Variants in CNTN5 observed in about 807,000 individuals in gnomAD.
The protein encoded by CNTN5 is contactin 5.
In CNTN5, 77 loss-of-function variants were observed where a neutral mutation model predicts 129.1. The observed-to-expected ratio is 0.60, with a 90% CI of 0.50 to 0.72. The LOEUF (loss-of-function observed/expected upper bound fraction) is 0.72, where lower values mean the gene tolerates loss of function less well. CNTN5 is among the 30% of genes least tolerant of loss of function. The pLI, the probability that CNTN5 is intolerant of heterozygous loss-of-function variation, is 0.00. For synonymous variants in CNTN5, 509 were observed against 465.6 expected (o/e 1.09, Z -1.20); for missense variants, 1,478 against 1,328.8 (o/e 1.11, Z -1.75).
intron 8 of CNTN5, among the ~76,000 whole-genome samples, chr11:99,994,257 G>A (rs35168093): frequency 0.38 from 57,181 of 151,624 alleles, 12,232 homozygotes; most frequent in African/African-American, 0.59. Flanking sequence ...AGTCAATAGT[G>A]TCATTAACTC....
chr11:99,522,984 A>G (rs1326772139), intron 2 of CNTN5, among the ~76,000 whole-genome samples: 2 of 152,326 alleles, frequency 1.3e-5, no homozygotes, highest in South Asian at 4.1e-4. Flanking sequence ...AAAAAGTCCA[A>G]GATACTTACT....
At chr11:99,432,691 A>T (rs1194461466) in intron 2 of CNTN5, among the ~76,000 whole-genome samples, 1 of 151,986 alleles carries the variant, frequency 6.6e-6, no homozygotes, top group Non-Finnish European at 1.5e-5. Context: ...TGCTGGAATG[A>T]AGATATTAGA....
intron 4 of CNTN5, among the ~76,000 whole-genome samples, chr11:99,823,389 A>T (rs773273508): frequency 1.2e-4 from 18 of 152,056 alleles, no homozygotes; most frequent in Non-Finnish European, 1.6e-4. Flanking sequence ...CAGTTCCTAC[A>T]TTCAGCCCAG....
At chr11:99,720,010 A>G (rs1283058008) in intron 3 of CNTN5, among the ~76,000 whole-genome samples, 1 of 152,088 alleles carries the variant, frequency 6.6e-6, no homozygotes, top group Non-Finnish European at 1.5e-5. Flanking sequence ...AGACCCAATA[A>G]CAAGTTGCAA....
At position 99,467,516 on chromosome 11, in the gene CNTN5, T is replaced by C. The variant is rs1039812245; in HGVS notation, c.-70-88629T>C. Reference sequence around the variant, plus strand: ...GAATGTCTGATCCTTGTATAAATCGTCTTCTCATCTGCTCGGTTAACTCAT... The same window carrying C: ...GAATGTCTGATCCTTGTATAAATCGCCTTCTCATCTGCTCGGTTAACTCAT... On this transcript the variant is annotated intron_variant, in intron 2 of 24. Transcript: ENST00000524871. Among the ~76,000 whole-genome samples, 17 of 152,256 alleles carry C rather than the reference T, an allele frequency of 1.1e-4. No homozygotes were observed. The East Asian group carries it at 3.3e-3, about 29-fold the overall frequency.
At chr11:99,973,456 T>C (rs1457167844) in intron 8 of CNTN5, among the ~76,000 whole-genome samples, 1 of 152,210 alleles carries the variant, frequency 6.6e-6, no homozygotes, top group Non-Finnish European at 1.5e-5. Flanking sequence ...CTTTTGTTAA[T>C]AAGAGAGCCT....
At chr11:99,446,095 A>AAC (rs1231989671) in intron 2 of CNTN5, among the ~76,000 whole-genome samples, 1 of 149,448 alleles carries the variant, frequency 6.7e-6, no homozygotes, top group African/African-American at 2.4e-5. Context: ...TAAAAAAAAA[A>AAC]AAAAAACAAC....
chr11:99,910,343 T>C (rs1170950891), intron 6 of CNTN5, among the ~76,000 whole-genome samples: 2 of 152,108 alleles, frequency 1.3e-5, no homozygotes, highest in African/African-American at 4.8e-5. Context: ...TAAGAACTAT[T>C]ATTAAGAATC....
chr11:99,845,624 G>A (rs536748369), intron 6 of CNTN5, among the ~76,000 whole-genome samples: 4 of 151,756 alleles, frequency 2.6e-5, no homozygotes, highest in Non-Finnish European at 4.4e-5. Flanking sequence ...CGCCCGCCTC[G>A]GCCTCCCAAA....
At chr11:99,299,392 G>A (rs1864525768) in intron 1 of CNTN5, among the ~76,000 whole-genome samples, 1 of 152,150 alleles carries the variant, frequency 6.6e-6, no homozygotes, top group African/African-American at 2.4e-5. Context: ...AAGTTGGCAA[G>A]TATATTAACA....
At position 100,071,819 on chromosome 11, in the gene CNTN5, G is replaced by A. The variant is rs766853142; in HGVS notation, c.1414G>A (p.Glu472Lys). The A allele has an allele frequency of 1.3e-5, 21 of 1,596,194 alleles. No homozygotes were observed. The South Asian group carries it at 2.3e-4, about 17-fold the overall frequency. Residue 472 changes from glutamate to lysine, a missense_variant, in exon 12 of 25, where the codon GAG (glutamate) becomes AAG (lysine). Physicochemically the swap from Glu to Lys is moderately conservative, Grantham distance 56. Coordinates refer to ENST00000524871, the MANE Select transcript of CNTN5 (RefSeq NM_014361.4). ...NKYGAIYASA[E>K]LKILASAPTF... is the part of the protein sequence containing the mutation. ...GTATGGAGCCATTTACGCTAGTGCT[G>A]AGCTGAAGATTCTAGGTATGCAGTT...
At chr11:100,027,309 A>C (rs919564192) in intron 9 of CNTN5, among the ~76,000 whole-genome samples, 1 of 152,198 alleles carries the variant, frequency 6.6e-6, no homozygotes, top group African/African-American at 2.4e-5. Context: ...AGATATGGTT[A>C]AATTACTCAG....
rs570395616 is a variant in CNTN5 at position 99,815,313 on chromosome 11, A to T, written c.56-4231A>T. On this transcript the variant is annotated intron_variant, in intron 3 of 24. Transcript: ENST00000524871. The stretch of plus-strand genomic sequence containing the variant: ...TCCTATCAATGAAACAACATTTCCC[A>T]CTTATTTATGCTAATATATTTTCAG... 5.5e-4 allele frequency among the ~76,000 whole-genome samples: 83 copies of T among 151,114 alleles called. 1 individual carries two copies. The highest frequency in any genetic ancestry group is 8.3e-4 in the Non-Finnish European group (56 of 67,522).
intron 3 of CNTN5, among the ~76,000 whole-genome samples, chr11:99,771,135 T>C (rs1361883984): frequency 6.6e-6 from 1 of 152,062 alleles, no homozygotes; most frequent in Non-Finnish European, 1.5e-5. Flanking sequence ...AATATAACCA[T>C]TTTCTTGTTA....
intron 9 of CNTN5, among the ~76,000 whole-genome samples, chr11:100,044,349 A>G (rs887934318): frequency 1.2e-4 from 19 of 152,132 alleles, no homozygotes; most frequent in Admixed American, 3.3e-4. Context: ...ATACCCAGCA[A>G]TGAAATTGCT....
intron 13 of CNTN5, among the ~76,000 whole-genome samples, chr11:100,148,946 T>TAAAG (rs1946951693): frequency 6.6e-6 from 1 of 152,192 alleles, no homozygotes; most frequent in Admixed American, 6.5e-5. Flanking sequence ...TTATAATTCT[T>TAAAG]AAAGAACTTG....
chr11:99,880,062 C>A (rs527847765), intron 6 of CNTN5, among the ~76,000 whole-genome samples: 142 of 152,300 alleles, frequency 9.3e-4, no homozygotes, highest in African/African-American at 3.3e-3. Context: ...GTTCACTATT[C>A]TTGAACTAAT....
At chr11:99,422,542 A>ATATC (rs1942946906) in intron 2 of CNTN5, among the ~76,000 whole-genome samples, 1 of 143,440 alleles carries the variant, frequency 7.0e-6, no homozygotes, top group Admixed American at 6.9e-5. Flanking sequence ...ATATATATAT[A>ATATC]TATATATATA....
chr11:100,066,833 CAAAA>C (rs34290071), intron 10 of CNTN5, among the ~76,000 whole-genome samples: 2 of 124,954 alleles, frequency 1.6e-5, no homozygotes, highest in African/African-American at 2.9e-5. Context: ...AGTCCTCTGC[CAAAA>C]AAAAAAAAAA....
Sources: allele counts gnomAD v4.1 joint callset (sites outside exome capture counted in the v4.1 genomes callset), GRCh38; gene constraint gnomAD v4.1.1; transcripts MANE v1.5; gene names NCBI Gene and HGNC (gene_info 2026-07-23, HGNC 2026-07-21).